DGKK: variants seen among roughly 807,000 people sequenced by gnomAD.
The protein encoded by DGKK is 142 kDa diacylglycerol kinase.
A neutral mutation model predicts 92.2 loss-of-function variants in DGKK; 35 were observed. That is an observed-to-expected ratio of 0.38 (90% CI 0.29 to 0.50). The LOEUF is 0.50. Among genes scored for constraint, DGKK ranks in the 20% least tolerant of loss-of-function variants. The pLI is 0.92. For missense variants in DGKK, 910 were observed against 992.2 expected, an observed-to-expected ratio of 0.92 and a Z score of 1.11; for synonymous variants, 368 against 360.6, an observed-to-expected ratio of 1.02 and a Z score of -0.23.
At chrX:50,374,066 G>A (rs868939203) in intron 25 of DGKK, among the ~76,000 whole-genome samples, 4 of 112,202 alleles carry the variant, frequency 3.6e-5, no homozygotes, top group Middle Eastern at 4.6e-3. Context: ...AAGTCACACA[G>A]CTAGTGTTAT....
At chrX:50,403,984 C>CA in intron 5 of DGKK, 65 bp downstream of exon 5, 1 of 1,169,021 alleles carries the variant, frequency 8.6e-7, no homozygotes, top group Non-Finnish European at 1.1e-6. Flanking sequence ...ACTAAAGCCA[C>CA]ATGAGTTCCT....
intron 3 of DGKK, among the ~76,000 whole-genome samples, chrX:50,421,955 C>T (rs1157671183): frequency 1.8e-5 from 2 of 111,871 alleles, no homozygotes; most frequent in African/African-American, 6.5e-5. Flanking sequence ...AGCCATGTGA[C>T]ATTTCAGTCA....
chrX:50,399,728 T>C (rs957406901), intron 8 of DGKK, among the ~76,000 whole-genome samples: 2 of 112,174 alleles, frequency 1.8e-5, no homozygotes, highest in African/African-American at 3.2e-5. Context: ...GATTTCTAAA[T>C]CTCTTAGTAT....
Position 50,447,355 on chromosome X carries a change from A to G in DGKK, c.645+22679T>C. On this transcript the variant is annotated intron_variant, in intron 1 of 27. Coordinates refer to ENST00000611977, the MANE Select transcript of DGKK (RefSeq NM_001013742.4). ...ATATATATATATATTATATATATAT[A>G]TAATATATATATATTATATATATAT... Among the ~76,000 whole-genome samples the G allele has an allele frequency of 5.7e-4, 5 of 8,783 alleles. 1 individual carries two copies. The highest frequency in any genetic ancestry group is 4.6e-3 in the African/African-American group (5 of 1,097). The allele number at this position is 8,783 out of a possible 115,157, so 7.6% of individuals were successfully genotyped here.
intron 1 of DGKK, among the ~76,000 whole-genome samples, chrX:50,443,704 T>TTG (rs58486620): frequency 0.081 from 8,091 of 99,319 alleles, 292 homozygotes; most frequent in East Asian, 0.18. Context: ...TGCACTCATT[T>TTG]TGTGTGTGTG....
At chrX:50,467,052 G>A (rs1926926522) in intron 1 of DGKK, among the ~76,000 whole-genome samples, 1 of 111,704 alleles carries the variant, frequency 9.0e-6, no homozygotes, top group Non-Finnish European at 1.9e-5. Flanking sequence ...CTTTCTTCAA[G>A]CACAGCTGAT....
At chrX:50,452,392 C>G (rs1301417180) in intron 1 of DGKK, among the ~76,000 whole-genome samples, 15 of 112,111 alleles carry the variant, frequency 1.3e-4, no homozygotes, top group Non-Finnish European at 1.5e-4. Flanking sequence ...AATCTAGGCT[C>G]CAAAGCGGGG....
chrX:50,403,180 T>C lies in DGKK; in HGVS notation c.1189A>G (p.Met397Val). ...DLLLPADEVN[M>V]PHQWVEGNMP... The stretch of plus-strand genomic sequence containing the variant: ...TTTCCTTCTACCCATTGATGGGGCA[T>C]GTTCTGCAGAAGGGTAAAAAGACAC... Residue 397 changes from methionine to valine, a missense_variant, in exon 7 of 28, where the codon ATG (methionine) becomes GTG (valine). By Grantham distance (21) the Met-to-Val change is conservative. Coordinates refer to ENST00000611977, the MANE Select transcript of DGKK (RefSeq NM_001013742.4). The C allele has an allele frequency of 8.4e-7, 1 of 1,190,921 alleles. No individual in the cohort carries two copies. Among genetic ancestry groups the C allele is most frequent in the Non-Finnish European group, 1.1e-6 (1 of 883,567 alleles).
intron 10 of DGKK, 88 bp downstream of exon 10, chrX:50,392,253 G>C: frequency 1.5e-6 from 1 of 647,083 alleles, no homozygotes; most frequent in Non-Finnish European, 2.5e-6. Flanking sequence ...CAGACAGGGA[G>C]GGCGAAGACT....
intron 25 of DGKK, among the ~76,000 whole-genome samples, chrX:50,374,389 T>G (rs893011424): frequency 9.0e-6 from 1 of 111,357 alleles, no homozygotes; most frequent in Admixed American, 9.5e-5. Flanking sequence ...CCTTACAGGT[T>G]TTAGAGAGAG....
chrX:50,375,857 G>A (rs56073422), intron 24 of DGKK, among the ~76,000 whole-genome samples, 167 bp downstream of exon 24: 7,049 of 111,179 alleles, frequency 0.063, 213 homozygotes, highest in East Asian at 0.18. Flanking sequence ...AACCACCTTG[G>A]ACCTGTAACA....
At chrX:50,424,156 G>T in intron 2 of DGKK, 92 bp downstream of exon 2, 1 of 819,612 alleles carries the variant, frequency 1.2e-6, no homozygotes, top group Non-Finnish European at 1.7e-6. Flanking sequence ...CCTAATGTTT[G>T]CTGACATGTC....
intron 14 of DGKK, 151 bp downstream of exon 14, chrX:50,387,403 T>A (rs1245100793): frequency 1.3e-5 from 6 of 452,580 alleles, no homozygotes; most frequent in Non-Finnish European, 2.3e-5. Context: ...GGAAGTTCAA[T>A]GAGGTTAGAC....
intron 1 of DGKK, among the ~76,000 whole-genome samples, chrX:50,447,338 ATATAT>A (rs1232086138): frequency 2.3e-3 from 36 of 15,388 alleles, no homozygotes; most frequent in Admixed American, 3.1e-3. Context: ...ATATATATAT[ATATAT>A]TATATATATA....
chrX:50,376,276 C>T, intron 23 of DGKK, 111 bp from the exon 24 acceptor site: 1 of 775,651 alleles, frequency 1.3e-6, no homozygotes, highest in Non-Finnish European at 1.8e-6. Flanking sequence ...GGGTACCTGA[C>T]TTGGACTCAT....
At position 50,379,837 on chromosome X, in the gene DGKK, G is replaced by A. The variant is rs782757092; in HGVS notation, c.2755-103C>T. ...GGCTCTGTCTTCTCTTCCATTACAT[G>A]GAAATCTATCTTCATGCCTTCCTCC... On this transcript the variant is annotated intron_variant, in intron 19 of 27. Transcript: ENST00000611977. 161 of 912,207 alleles carry A rather than the reference G, an allele frequency of 1.8e-4. No individual in the cohort carries two copies. The African/African-American group carries it at 2.8e-3, about 16-fold the overall frequency. The allele number at this position is 912,207 out of a possible 1,213,427, so 75.2% of individuals were successfully genotyped here. A position where few individuals can be genotyped will look rare whatever the true frequency, so the allele number is the denominator to read the frequency against.
At chrX:50,447,385 TATATATATATTATATATATATATA>T (rs1926373631) in intron 1 of DGKK, among the ~76,000 whole-genome samples, 1 of 17,385 alleles carries the variant, frequency 5.8e-5, no homozygotes, top group African/African-American at 4.1e-4. Flanking sequence ...ATATATATAA[TATATATATATTATATATATATATA>T]ATATATATAT....
chrX:50,467,593 G>A (rs1228779694), intron 1 of DGKK, among the ~76,000 whole-genome samples: 1 of 112,949 alleles, frequency 8.9e-6, no homozygotes, highest in Non-Finnish European at 1.9e-5. Flanking sequence ...GTGTGTGCAC[G>A]CCTGTGCGTG....
At chrX:50,369,330 C>A (rs1467951054) in intron 27 of DGKK, among the ~76,000 whole-genome samples, 1 of 111,352 alleles carries the variant, frequency 9.0e-6, no homozygotes, top group Admixed American at 9.5e-5. Context: ...TTCGACCATA[C>A]CTGAGAAAAT....
Sources: gnomAD v4.1 joint callset for allele counts (sites outside exome capture counted in the v4.1 genomes callset) on GRCh38, gnomAD v4.1.1 for gene constraint, MANE v1.5 for transcripts, NCBI Gene and HGNC (gene_info 2026-07-23, HGNC 2026-07-21) for gene names.